Variants in PDZD2 observed in about 807,000 individuals in gnomAD.
PDZD2 encodes the protein PDZ domain containing 2.
Under a neutral mutation model 220.7 loss-of-function variants are expected in PDZD2, and 90 were observed. That is an observed-to-expected ratio of 0.41 (90% CI 0.34 to 0.49). The LOEUF is 0.49. Ranked by LOEUF, PDZD2 falls within the 20% of genes least tolerant of loss-of-function variation. The pLI is 0.28. For missense variants in PDZD2, 3,174 were observed against 3,608.5 expected (o/e 0.88, Z 3.08); for synonymous variants, 1,375 against 1,450.5 (o/e 0.95, Z 1.18).
At chr5:32,105,632 A>G (rs1303100954) in intron 24 of PDZD2, among the ~76,000 whole-genome samples, 1 of 152,268 alleles carries the variant, frequency 6.6e-6, no homozygotes, top group Admixed American at 6.5e-5. Context: ...TGAATGAAAA[A>G]AAGCCAAATG....
chr5:31,717,001 G>A (rs1435294871), intron 1 of PDZD2, among the ~76,000 whole-genome samples: 2 of 152,026 alleles, frequency 1.3e-5, no homozygotes, highest in Non-Finnish European at 2.9e-5. Context: ...GTTAACATAT[G>A]AAAGGTGTAC....
At chr5:31,667,159 C>A (rs554852390) in intron 1 of PDZD2, among the ~76,000 whole-genome samples, 1 of 144,282 alleles carries the variant, frequency 6.9e-6, no homozygotes, top group African/African-American at 2.6e-5. Flanking sequence ...TGGCTTGAAC[C>A]CAGGAGACGG....
intron 2 of PDZD2, among the ~76,000 whole-genome samples, chr5:31,897,609 G>A (rs1163184709): frequency 6.6e-6 from 1 of 152,170 alleles, no homozygotes; most frequent in Non-Finnish European, 1.5e-5. Flanking sequence ...TTTTTCTGGG[G>A]ATAGGGCAGA....
intron 1 of PDZD2, among the ~76,000 whole-genome samples, chr5:31,690,348 A>C (rs1187389009): frequency 6.6e-6 from 1 of 152,008 alleles, no homozygotes; most frequent in Non-Finnish European, 1.5e-5. Flanking sequence ...CATGCTCAGG[A>C]TGTGCTTAGG....
intron 5 of PDZD2, among the ~76,000 whole-genome samples, chr5:32,005,029 A>C (rs1165181591): frequency 1.3e-5 from 2 of 151,556 alleles, no homozygotes; most frequent in Non-Finnish European, 2.9e-5. Flanking sequence ...TGCTGCTCCT[A>C]AACTTCATCT....
At chr5:31,957,400 G>T (rs893882783) in intron 2 of PDZD2, among the ~76,000 whole-genome samples, 16 of 152,156 alleles carry the variant, frequency 1.1e-4, no homozygotes, top group Non-Finnish European at 2.1e-4. Context: ...CCAGTGCCTG[G>T]GGTGTTACGG....
intron 2 of PDZD2, chr5:31,822,448 G>GTT (rs58922873): frequency 0.023 from 7,591 of 335,204 alleles, 525 homozygotes; most frequent in African/African-American, 0.15. Flanking sequence ...TTTTTTTATA[G>GTT]TTTTTTTTTT....
chr5:32,010,205 C>T (rs1581268356), intron 5 of PDZD2, 125 bp from the exon 6 acceptor site: 1 of 654,878 alleles, frequency 1.5e-6, no homozygotes, highest in Non-Finnish European at 2.6e-6. Context: ...CTTGCAGACA[C>T]AGAACATTTA....
chr5:31,994,595 C>A (rs1751486459), intron 3 of PDZD2, among the ~76,000 whole-genome samples: 1 of 152,122 alleles, frequency 6.6e-6, no homozygotes, highest in Admixed American at 6.5e-5. Flanking sequence ...AAGTGGTTCT[C>A]CTCCCTCAGC....
intron 2 of PDZD2, among the ~76,000 whole-genome samples, chr5:31,857,464 GT>G (rs1221823746): frequency 1.3e-5 from 2 of 152,196 alleles, no homozygotes; most frequent in Non-Finnish European, 2.9e-5. Context: ...TGGGAGGCAA[GT>G]TTTTTGAGAT....
intron 6 of PDZD2, among the ~76,000 whole-genome samples, chr5:32,029,274 A>G (rs1754936835): frequency 7.4e-6 from 1 of 134,794 alleles, no homozygotes; most frequent in Non-Finnish European, 1.6e-5. Flanking sequence ...TGTCCTAGGC[A>G]AGATTTTGTT....
intron 1 of PDZD2, among the ~76,000 whole-genome samples, chr5:31,713,305 G>A (rs535260556): frequency 1.3e-5 from 2 of 152,246 alleles, no homozygotes; most frequent in African/African-American, 4.8e-5. Context: ...CCTTCTCTAC[G>A]CTCTGCTGGA....
chr5:32,073,463 C>T (rs1324285395), intron 17 of PDZD2, among the ~76,000 whole-genome samples: 1 of 152,174 alleles, frequency 6.6e-6, no homozygotes, highest in Non-Finnish European at 1.5e-5. Context: ...AGTCCCCAGG[C>T]ATCCTTCTAT....
At chr5:31,791,140 T>G (rs1344984934) in intron 1 of PDZD2, among the ~76,000 whole-genome samples, 1 of 152,178 alleles carries the variant, frequency 6.6e-6, no homozygotes, top group Non-Finnish European at 1.5e-5. Flanking sequence ...CTGATAAAGC[T>G]GATTTTTGTA....
intron 2 of PDZD2, among the ~76,000 whole-genome samples, chr5:31,843,083 G>A (rs749892568): frequency 3.3e-5 from 5 of 151,930 alleles, no homozygotes; most frequent in South Asian, 4.2e-4. Context: ...GTTTCACCAC[G>A]TTGGTCAGGC....
At chr5:31,845,389 T>C (rs1184418723) in intron 2 of PDZD2, among the ~76,000 whole-genome samples, 1 of 152,204 alleles carries the variant, frequency 6.6e-6, no homozygotes, top group Non-Finnish European at 1.5e-5. Context: ...CACTGCCATA[T>C]AACACACAGT....
chr5:31,893,915 A>G (rs905224108), intron 2 of PDZD2, among the ~76,000 whole-genome samples: 6 of 151,772 alleles, frequency 4.0e-5, no homozygotes, highest in Admixed American at 3.9e-4. Context: ...TTATTTTGAG[A>G]CGGAGTTTCA....
At chr5:31,730,573 TGTGTGTGTGTGTGTGTGTG>T (rs902737831) in intron 1 of PDZD2, among the ~76,000 whole-genome samples, 11 of 113,842 alleles carry the variant, frequency 9.7e-5, no homozygotes, top group African/African-American at 2.3e-4. Flanking sequence ...TGTGTGTGTG[TGTGTGTGTGTGTGTGTGTG>T]GTGTGTGTGT....
chr5:32,065,500 G>A (rs1737275737), intron 14 of PDZD2, among the ~76,000 whole-genome samples: 1 of 152,106 alleles, frequency 6.6e-6, no homozygotes, highest in East Asian at 1.9e-4. Flanking sequence ...ATTTCTTGGT[G>A]GCATCAATTT....
Sources: allele counts gnomAD v4.1 joint callset (sites outside exome capture counted in the v4.1 genomes callset), GRCh38; gene constraint gnomAD v4.1.1; transcripts MANE v1.5; gene names NCBI Gene and HGNC (gene_info 2026-07-23, HGNC 2026-07-21).